The following BPTF variants were observed in gnomAD, a reference collection of about 807,000 sequenced individuals.
BPTF encodes the protein bromodomain PHD finger transcription factor.
BPTF carries 18 observed loss-of-function variants against 292.5 expected under a neutral mutation model. That is an observed-to-expected ratio of 0.06 (90% CI 0.04 to 0.09). The LOEUF (loss-of-function observed/expected upper bound fraction) is 0.09, where lower values mean the gene tolerates loss of function less well. Ranked by LOEUF, BPTF falls within the 10% of genes least tolerant of loss-of-function variation. The pLI, the probability that BPTF is intolerant of heterozygous loss-of-function variation, is 1.00. For missense variants in BPTF, 2,726 were observed against 3,498.7 expected, an observed-to-expected ratio of 0.78 and a Z score of 5.57; for synonymous variants, 1,225 against 1,251.9, an observed-to-expected ratio of 0.98 and a Z score of 0.45.
At chr17:67,968,679 T>C (rs1197986943) in intron 26 of BPTF, among the ~76,000 whole-genome samples, 2 of 150,824 alleles carry the variant, frequency 1.3e-5, no homozygotes, top group Non-Finnish European at 2.9e-5. Flanking sequence ...TCCCAGCTAC[T>C]CAGGAGGCTG....
chr17:67,917,237 ATTC>A (rs1371256828), intron 11 of BPTF, among the ~76,000 whole-genome samples: 1 of 146,380 alleles, frequency 6.8e-6, no homozygotes, highest in Non-Finnish European at 1.5e-5. Flanking sequence ...GGTTCGAGCT[ATTC>A]TTCTTTCTCA....
intron 2 of BPTF, among the ~76,000 whole-genome samples, chr17:67,860,080 C>G (rs1440449437): frequency 1.5e-4 from 23 of 152,130 alleles, no homozygotes; most frequent in Non-Finnish European, 1.5e-5. Context: ...TTCAAATTGC[C>G]TTTTTTGATG....
At chr17:67,926,208 C>T (rs2063875990) in intron 15 of BPTF, among the ~76,000 whole-genome samples, 1 of 150,872 alleles carries the variant, frequency 6.6e-6, no homozygotes, top group Non-Finnish European at 1.5e-5. Flanking sequence ...GGACTTTTGC[C>T]ATATTGCCCA....
intron 26 of BPTF, 80 bp from the exon 27 acceptor site, chr17:67,975,692 T>C (rs966028802): frequency 2.4e-5 from 32 of 1,312,958 alleles, no homozygotes; most frequent in Non-Finnish European, 3.1e-5. Context: ...TAAACATATA[T>C]ACTTGTTAGA....
At chr17:67,844,977 AAGT>A (rs1454395256) in intron 1 of BPTF, among the ~76,000 whole-genome samples, 5 of 151,758 alleles carry the variant, frequency 3.3e-5, no homozygotes, top group Non-Finnish European at 5.9e-5. Context: ...TTCCAACCTC[AAGT>A]AATCCATCCG....
intron 4 of BPTF, chr17:67,875,417 G>A (rs535570519): frequency 5.0e-5 from 25 of 503,574 alleles, no homozygotes; most frequent in Non-Finnish European, 7.4e-5. Flanking sequence ...AGCAATATCC[G>A]AGAATCTACT....
At chr17:67,875,783 G>C in intron 4 of BPTF, 1 of 1,414,348 alleles carries the variant, frequency 7.1e-7, no homozygotes, top group South Asian at 1.7e-5. Context: ...GTAATGGGGG[G>C]AATCCTTCCC....
At chr17:67,875,758 C>A in intron 4 of BPTF, 1 of 1,533,736 alleles carries the variant, frequency 6.5e-7, no homozygotes, top group Non-Finnish European at 8.8e-7. Context: ...CAGAGGGCAG[C>A]GTATCAATGC....
chr17:67,909,033 C>A (rs1308216555), intron 9 of BPTF, among the ~76,000 whole-genome samples: 2 of 151,668 alleles, frequency 1.3e-5, no homozygotes, highest in African/African-American at 4.8e-5. Flanking sequence ...TCGGGTTTCA[C>A]CATGTTAGCC....
At chr17:67,967,382 C>T (rs1395443014) in intron 26 of BPTF, among the ~76,000 whole-genome samples, 11 of 151,380 alleles carry the variant, frequency 7.3e-5, no homozygotes, top group Admixed American at 6.6e-4. Flanking sequence ...CCTTGTGATC[C>T]GCTCCCCCTC....
In BPTF at chr17:67,866,653, G is replaced by A. The variant is rs776228112; in HGVS notation, c.1626G>A (p.Arg542=). 1.2e-6 allele frequency: 2 copies of A among 1,613,722 alleles called. No homozygotes were observed. Among genetic ancestry groups the A allele is most frequent in the East Asian group, 2.2e-5 (1 of 44,876 alleles). ...DITEDLTNKA[R]GSNKSFLAAA... ...CTGAAGACCTGACCAATAAGGCTCG[G>A]GGCAGTAACAAATCCTTTCTGGCGG... is the stretch of plus-strand genomic sequence containing the variant. The change falls in exon 3 of 28, where the codon CGG becomes CGA. Residue 542 remains arginine, a synonymous_variant. Coordinates refer to ENST00000306378, the MANE Select transcript of BPTF (RefSeq NM_182641.4).
chr17:67,850,849 C>T (rs532494118), intron 1 of BPTF, among the ~76,000 whole-genome samples: 1 of 152,218 alleles, frequency 6.6e-6, no homozygotes, highest in East Asian at 1.9e-4. Context: ...ATTAAATGCT[C>T]TGCATTGTTC....
chr17:67,888,270 GTA>G (rs1218234578), intron 4 of BPTF, among the ~76,000 whole-genome samples: 1 of 151,966 alleles, frequency 6.6e-6, no homozygotes, highest in East Asian at 1.9e-4. Flanking sequence ...CCTAAATCTA[GTA>G]TTTCTCTGTG....
chr17:67,846,058 C>G (rs1055996676), intron 1 of BPTF, among the ~76,000 whole-genome samples: 1 of 152,034 alleles, frequency 6.6e-6, no homozygotes, highest in Admixed American at 6.6e-5. Context: ...AAAATTTTTT[C>G]TTGAATATAG....
rs1433964521 is a variant in BPTF at position 67,897,373 on chromosome 17, TAAAG to T, written c.2543+3214_2543+3217del. On this transcript the variant is annotated intron_variant, in intron 7 of 27. Coordinates refer to ENST00000306378, the MANE Select transcript of BPTF (RefSeq NM_182641.4). ...AAAAAAAAAAAAAAAAAAAAAAAAG[TAAAG>T]AAAGAGACATACTAACCAATATTTC... 9.8e-4 allele frequency among the ~76,000 whole-genome samples: 94 copies of T among 96,390 alleles called. No individual in the cohort carries two copies. The East Asian group carries it at 0.022, about 22-fold the overall frequency. The allele number at this position is 96,390 out of a possible 152,430, so 63.2% of individuals were successfully genotyped here. A position where few individuals can be genotyped will look rare whatever the true frequency, so the allele number is the denominator to read the frequency against.
rs147034943 is a variant in BPTF at position 67,959,716 on chromosome 17, C to T, written c.8102C>T (p.Thr2701Met). The T allele has an allele frequency of 1.0e-4, 168 of 1,610,364 alleles. 1 individual carries two copies. In the Middle Eastern group the frequency reaches 2.5e-3, roughly 24 times the overall value. The part of the protein sequence containing the change: ...PAVQHTGLLS[T>M]PTLPAASQKR... ...GTGCAACACACAGGCCTTCTGTCCA[C>T]GCCCACCTTACCTGCTGCTTCCCAG... The change falls in exon 24 of 28, where the codon ACG becomes ATG. Residue 2701 changes from threonine (T) to methionine (M), a missense_variant. This residue lies in a region of BPTF where 148 missense variants were observed against 145.5 expected (regional missense o/e 1.02). Transcript: ENST00000306378.
At chr17:67,877,198 T>A (rs2145809059) in intron 4 of BPTF, among the ~76,000 whole-genome samples, 1 of 152,378 alleles carries the variant, frequency 6.6e-6, no homozygotes, top group Non-Finnish European at 1.5e-5. Flanking sequence ...CCAAAATAGA[T>A]AAGGTCTGGG....
intron 4 of BPTF, among the ~76,000 whole-genome samples, chr17:67,877,514 T>C (rs1487237412): frequency 6.6e-6 from 1 of 152,226 alleles, no homozygotes; most frequent in African/African-American, 2.4e-5. Flanking sequence ...CTTGGTTTTC[T>C]TTTCTAAACT....
chr17:67,904,131 C>T (rs894667110), intron 8 of BPTF, among the ~76,000 whole-genome samples: 27 of 152,168 alleles, frequency 1.8e-4, no homozygotes, highest in Non-Finnish European at 2.9e-4. Context: ...TGGGTTCAAA[C>T]GATTCTCCTG....
Sources: gnomAD v4.1 joint callset for allele counts (sites outside exome capture counted in the v4.1 genomes callset) on GRCh38, gnomAD v4.1.1 for gene constraint, gnomAD v4.1.1 regional missense constraint, MANE v1.5 for transcripts, NCBI Gene and HGNC (gene_info 2026-07-23, HGNC 2026-07-21) for gene names.